The following FAM3C variants were observed in gnomAD, a reference collection of about 807,000 sequenced individuals.
FAM3C encodes the protein FAM3 metabolism regulating signaling molecule C.
In FAM3C, 15 loss-of-function variants were observed where a neutral mutation model predicts 32.5. The observed-to-expected ratio is 0.46, with a 90% CI of 0.31 to 0.71. FAM3C has a LOEUF of 0.71. FAM3C is among the 30% of genes least tolerant of loss of function. The pLI, the probability that FAM3C is intolerant of heterozygous loss-of-function variation, is 0.05. For synonymous variants in FAM3C, 75 were observed against 86.1 expected (o/e 0.87, Z 0.72); for missense variants, 175 against 274.4 (o/e 0.64, Z 2.56).
intron 1 of FAM3C, among the ~76,000 whole-genome samples, chr7:121,395,924 C>T (rs1437978168): frequency 6.6e-6 from 1 of 151,560 alleles, no homozygotes; most frequent in East Asian, 2.0e-4. Flanking sequence ...CCGGGGATGC[C>T]CACGCCGGGG....
intron 3 of FAM3C, among the ~76,000 whole-genome samples, chr7:121,373,940 G>A (rs995914304): frequency 6.7e-6 from 1 of 150,170 alleles, no homozygotes; most frequent in Admixed American, 6.6e-5. Flanking sequence ...AGCTTGTGGT[G>A]AGCCGAGATT....
intron 2 of FAM3C, among the ~76,000 whole-genome samples, chr7:121,381,309 A>AG (rs1794349558): frequency 6.6e-6 from 1 of 152,186 alleles, no homozygotes; most frequent in African/African-American, 2.4e-5. Flanking sequence ...AAGCAATCAG[A>AG]TTTTTTTAAA....
Position 121,369,883 on chromosome 7 carries a change from T to G in FAM3C, c.272+1417A>C, listed in dbSNP as rs1794109443. 2.0e-5 allele frequency among the ~76,000 whole-genome samples: 3 copies of G among 152,184 alleles called. No individual in the cohort carries two copies. The South Asian group carries it at 6.2e-4, about 32-fold the overall frequency. ...GATGTGGGTAAACAGTTGAGCTTTT[T>G]TTCTGAGTGTGTTTTGTTGTTTACG... is the stretch of plus-strand genomic sequence containing the variant. On this transcript the variant is annotated intron_variant, in intron 5 of 9. Coordinates refer to ENST00000359943, the MANE Select transcript of FAM3C (RefSeq NM_014888.3).
At chr7:121,388,965 A>C (rs1203761844) in intron 1 of FAM3C, among the ~76,000 whole-genome samples, 1 of 152,146 alleles carries the variant, frequency 6.6e-6, no homozygotes. Context: ...CAGTGAATGG[A>C]GAAAAACACT....
chr7:121,395,029 T>A (rs4262270), intron 1 of FAM3C, among the ~76,000 whole-genome samples: 5,220 of 152,204 alleles, frequency 0.034, 323 homozygotes, highest in African/African-American at 0.12. Context: ...CATATTTCCA[T>A]CTGTAAAACT....
At position 121,362,954 on chromosome 7, in the gene FAM3C, G is replaced by A. The variant is rs753235830; in HGVS notation, c.332-7C>T. On this transcript the variant is annotated splice_polypyrimidine_tract_variant and splice_region_variant and intron_variant, in intron 6 of 9. Coordinates refer to ENST00000359943, the MANE Select transcript of FAM3C (RefSeq NM_014888.3). ...AATACTTCTCCTGTTTTTCCTAAAA[G>A]AGATTAAATTCATATCAAATTATGC... is the stretch of plus-strand genomic sequence containing the variant. 4.3e-6 allele frequency: 6 copies of A among 1,381,326 alleles called. No individual in the cohort carries two copies. The highest frequency in any genetic ancestry group is 6.1e-6 in the Non-Finnish European group (6 of 975,660). The allele number at this position is 1,381,326 out of a possible 1,614,324, so 85.6% of individuals were successfully genotyped here.
chr7:121,366,326 G>A (rs1269035691), intron 5 of FAM3C, among the ~76,000 whole-genome samples: 3 of 152,228 alleles, frequency 2.0e-5, no homozygotes, highest in East Asian at 3.9e-4. Flanking sequence ...ACAAAATGTG[G>A]TATATCCATA....
At chr7:121,358,424 T>C (rs1042857625) in intron 8 of FAM3C, among the ~76,000 whole-genome samples, 1 of 152,028 alleles carries the variant, frequency 6.6e-6, no homozygotes, top group African/African-American at 2.4e-5. Context: ...ATAAGTCATC[T>C]GAAGAAAAGT....
chr7:121,389,210 C>A (rs1201742905), intron 1 of FAM3C, among the ~76,000 whole-genome samples: 2 of 152,138 alleles, frequency 1.3e-5, no homozygotes, highest in Non-Finnish European at 2.9e-5. Flanking sequence ...AGTATTCCAA[C>A]ATGATTCATC....
chr7:121,366,764 A>G (rs975076917), intron 5 of FAM3C, among the ~76,000 whole-genome samples: 3 of 152,194 alleles, frequency 2.0e-5, no homozygotes, highest in African/African-American at 7.2e-5. Flanking sequence ...AAAAGGTTCT[A>G]TGCTTTACTA....
chr7:121,384,486 T>C (rs1794427113), intron 1 of FAM3C, among the ~76,000 whole-genome samples: 1 of 152,182 alleles, frequency 6.6e-6, no homozygotes, highest in Non-Finnish European at 1.5e-5. Context: ...CCAAAATAAC[T>C]TCACTCTTAT....
intron 3 of FAM3C, among the ~76,000 whole-genome samples, chr7:121,374,248 T>C (rs2116925462): frequency 6.6e-6 from 1 of 152,270 alleles, no homozygotes; most frequent in Non-Finnish European, 1.5e-5. Context: ...CATCTCTCTG[T>C]ATATTCAAAT....
intron 3 of FAM3C, among the ~76,000 whole-genome samples, chr7:121,377,048 T>G (rs1303377240): frequency 1.3e-5 from 2 of 152,146 alleles, no homozygotes; most frequent in South Asian, 4.1e-4. Context: ...ATAATCCCTA[T>G]GTGTCATGGG....
chr7:121,377,784 TCAGTA>T (rs1221856557), intron 3 of FAM3C, among the ~76,000 whole-genome samples: 1 of 152,214 alleles, frequency 6.6e-6, no homozygotes, highest in Non-Finnish European at 1.5e-5. Flanking sequence ...CTTACAGAAT[TCAGTA>T]CAGTAACATG....
At chr7:121,384,269 T>C (rs1029723712) in intron 1 of FAM3C, among the ~76,000 whole-genome samples, 9 of 152,220 alleles carry the variant, frequency 5.9e-5, no homozygotes, top group Admixed American at 5.2e-4. Flanking sequence ...CAATGTTATA[T>C]ATCTATTTCA....
chr7:121,352,743 A>G (rs1181069110), intron 8 of FAM3C, among the ~76,000 whole-genome samples: 3 of 152,178 alleles, frequency 2.0e-5, no homozygotes. Context: ...TTGATAACCA[A>G]CTTTGGTGCT....
intron 3 of FAM3C, among the ~76,000 whole-genome samples, chr7:121,376,978 G>C (rs1442071636): frequency 2.0e-5 from 3 of 152,136 alleles, no homozygotes; most frequent in African/African-American, 4.8e-5. Flanking sequence ...GATTAAATGT[G>C]AAACGGAGTG....
chr7:121,373,988 TC>T (rs1794195278), intron 3 of FAM3C, among the ~76,000 whole-genome samples: 1 of 137,628 alleles, frequency 7.3e-6, no homozygotes, highest in East Asian at 2.0e-4. Flanking sequence ...AGAGCAAGAC[TC>T]CGTCTCAAAA....
At chr7:121,391,829 C>G (rs971129359) in intron 1 of FAM3C, among the ~76,000 whole-genome samples, 7 of 152,214 alleles carry the variant, frequency 4.6e-5, no homozygotes, top group African/African-American at 1.7e-4. Flanking sequence ...AATCCCCGAG[C>G]AGACAAAACC....
Sources: gnomAD v4.1 joint callset for allele counts (sites outside exome capture counted in the v4.1 genomes callset) on GRCh38, gnomAD v4.1.1 for gene constraint, MANE v1.5 for transcripts, NCBI Gene and HGNC (gene_info 2026-07-23, HGNC 2026-07-21) for gene names.